STK32C: variants seen among roughly 807,000 people sequenced by gnomAD.
STK32C encodes serine/threonine kinase 32C.
In STK32C, 31 loss-of-function variants were observed where a neutral mutation model predicts 56.5. The ratio of observed to expected loss-of-function variants is 0.55; its 90% confidence interval spans 0.41 to 0.74. The LOEUF (loss-of-function observed/expected upper bound fraction) is 0.74. Among genes scored for constraint, STK32C ranks in the 30% least tolerant of loss-of-function variants. The pLI is 0.00. For synonymous variants in STK32C, 309 were observed against 289.4 expected, an observed-to-expected ratio of 1.07 and a Z score of -0.69; for missense variants, 544 against 676.9, an observed-to-expected ratio of 0.80 and a Z score of 2.18.
chr10:132,265,880 C>G (rs1332327936), intron 1 of STK32C, among the ~76,000 whole-genome samples: 2 of 152,204 alleles, frequency 1.3e-5, no homozygotes, highest in African/African-American at 2.4e-5. Context: ...CACCGGGCAC[C>G]TTGACCCACA....
chr10:132,315,554 T>A (rs2066295568), intron 1 of STK32C, among the ~76,000 whole-genome samples: 1 of 152,064 alleles, frequency 6.6e-6, no homozygotes, highest in Admixed American at 6.5e-5. Context: ...ATAAGAAGAC[T>A]TCAAACTATA....
At chr10:132,331,418 C>T in intron 1 of STK32C, 1 of 1,597,586 alleles carries the variant, frequency 6.3e-7, no homozygotes, top group South Asian at 1.1e-5. Context: ...TCTCAAAACC[C>T]TTCCTCAGGA....
chr10:132,286,858 C>T (rs2065419423), intron 1 of STK32C, among the ~76,000 whole-genome samples: 1 of 152,204 alleles, frequency 6.6e-6, no homozygotes, highest in South Asian at 2.1e-4. Context: ...AGGATGTCTG[C>T]TCTCACTTCT....
upstream of STK32C, chr10:132,308,118 C>CG (rs1186274925): frequency 4.2e-4 from 3 of 7,206 alleles, no homozygotes; most frequent in Non-Finnish European, 7.9e-4. Flanking sequence ...GGGGCCGAGC[C>CG]GGGGGCGGGG....
At position 132,301,637 on chromosome 10, in the gene STK32C, T is replaced by A. The variant is rs188935362; in HGVS notation, c.262+5935A>T. ...CCTCAGATCCGGGTCAGAAGACAGA[T>A]GCCGCATCCCAGTGTAAAGGAAACA... is the stretch of plus-strand genomic sequence containing the variant. On this transcript the variant is annotated intron_variant, in intron 1 of 11. Transcript: ENST00000298630. 1.9e-3 allele frequency among the ~76,000 whole-genome samples: 291 copies of A among 152,316 alleles called. 5 individuals carry two copies. In the South Asian group the frequency reaches 0.023, roughly 12 times the overall value.
chr10:132,326,021 G>A (rs947114942), intron 1 of STK32C, among the ~76,000 whole-genome samples: 2 of 151,910 alleles, frequency 1.3e-5, no homozygotes, highest in African/African-American at 4.8e-5. Context: ...ACGCTGGCCG[G>A]TATGTCTTTA....
intron 8 of STK32C, 104 bp from the exon 9 acceptor site, chr10:132,223,090 CTGAGGT>C: frequency 6.9e-7 from 1 of 1,439,410 alleles, no homozygotes; most frequent in Non-Finnish European, 9.2e-7. Flanking sequence ...CCCACCAAGC[CTGAGGT>C]TCAGAATTCA....
chr10:132,260,362 A>T (rs2064262145), intron 1 of STK32C, among the ~76,000 whole-genome samples: 1 of 151,842 alleles, frequency 6.6e-6, no homozygotes, highest in African/African-American at 2.4e-5. Flanking sequence ...AACTGCACGG[A>T]AGAGGCAGGA....
chr10:132,243,107 C>T (rs74161746), intron 2 of STK32C, among the ~76,000 whole-genome samples: 3,922 of 152,300 alleles, frequency 0.026, 171 homozygotes, highest in African/African-American at 0.089. Flanking sequence ...GCAGCGACCT[C>T]CCCTCATCCC....
chr10:132,237,831 T>C (rs1237254555), intron 2 of STK32C, among the ~76,000 whole-genome samples: 2 of 152,190 alleles, frequency 1.3e-5, no homozygotes, highest in African/African-American at 4.8e-5. Context: ...GGATCCCCCT[T>C]TCCCGACCAT....
chr10:132,261,410 A>G (rs1050410869), intron 1 of STK32C, among the ~76,000 whole-genome samples: 1 of 152,238 alleles, frequency 6.6e-6, no homozygotes, highest in Admixed American at 6.5e-5. Context: ...TACAATACCC[A>G]GGAATACACC....
intron 1 of STK32C, among the ~76,000 whole-genome samples, chr10:132,326,564 C>T (rs1047043154): frequency 1.3e-5 from 2 of 152,230 alleles, no homozygotes; most frequent in East Asian, 3.8e-4. Context: ...CTCAAGTGAT[C>T]TGCCTGCCTT....
In STK32C at chr10:132,209,093, G is replaced by A. The variant is rs749385736; in HGVS notation, c.1260C>T (p.Asp420=). 4.3e-6 allele frequency: 7 copies of A among 1,613,562 alleles called. No homozygotes were observed. Among genetic ancestry groups the A allele is most frequent in the Non-Finnish European group, 5.9e-6 (7 of 1,179,836 alleles). The change falls in exon 11 of 12, where the codon GAC becomes GAT. Residue 420 remains aspartate, a synonymous_variant. Transcript: ENST00000298630. ...NSRDSSQSEN[D]YLQDCLDAIQ... ...TGGCATCGAGGCAGTCTTGAAGATA[G>A]TCATTCTCCTGTGGATGGAAAGGCA...
chr10:132,292,402 T>A (rs1294113752), intron 1 of STK32C, among the ~76,000 whole-genome samples: 1 of 152,128 alleles, frequency 6.6e-6, no homozygotes, highest in Admixed American at 6.5e-5. Context: ...CCACACTCTC[T>A]CACCCAGTCA....
chr10:132,259,795 C>A (rs1368357344), intron 1 of STK32C, among the ~76,000 whole-genome samples: 1 of 152,232 alleles, frequency 6.6e-6, no homozygotes. Flanking sequence ...AAACCATGGC[C>A]GGCATTCCGG....
At chr10:132,308,315 C>T (rs1212290516), upstream of STK32C, among the ~76,000 whole-genome samples, 2 of 152,124 alleles carry the variant, frequency 1.3e-5, no homozygotes, top group Admixed American at 6.5e-5. Flanking sequence ...GTCCCTGGCA[C>T]GGGGACTGCT....
intron 1 of STK32C, among the ~76,000 whole-genome samples, chr10:132,313,682 C>T (rs2066263643): frequency 6.6e-6 from 1 of 151,974 alleles, no homozygotes; most frequent in Admixed American, 6.5e-5. Flanking sequence ...CCGGGCAGAA[C>T]ATGGGTAGCG....
At chr10:132,293,860 G>A (rs919782909) in intron 1 of STK32C, among the ~76,000 whole-genome samples, 1 of 152,204 alleles carries the variant, frequency 6.6e-6, no homozygotes, top group Non-Finnish European at 1.5e-5. Context: ...CCTGCTCCGG[G>A]GACGCAGAAG....
intron 10 of STK32C, among the ~76,000 whole-genome samples, chr10:132,212,539 G>A (rs1394136983): frequency 6.6e-6 from 1 of 152,208 alleles, no homozygotes; most frequent in Admixed American, 6.5e-5. Flanking sequence ...AAGCAGAGCA[G>A]CCAAGGAGGA....
Sources: allele counts gnomAD v4.1 joint callset (sites outside exome capture counted in the v4.1 genomes callset), GRCh38; gene constraint gnomAD v4.1.1; transcripts MANE v1.5; gene names NCBI Gene and HGNC (gene_info 2026-07-23, HGNC 2026-07-21).